Variants in TCF3 observed in about 807,000 individuals in gnomAD.
TCF3 encodes transcription factor E2-alpha.
Under a neutral mutation model 72.3 loss-of-function variants are expected in TCF3, and 54 were observed. The ratio of observed to expected loss-of-function variants is 0.75; its 90% confidence interval spans 0.60 to 0.94. The LOEUF (loss-of-function observed/expected upper bound fraction) is 0.94, where lower values mean the gene tolerates loss of function less well. Among genes scored for constraint, TCF3 ranks in the 40% least tolerant of loss-of-function variants. The probability of loss-of-function intolerance (pLI) is 0.00; values close to 1 mark genes in which losing one functional copy is unlikely to be tolerated. For synonymous variants in TCF3, 525 were observed against 412.6 expected (o/e 1.27, Z -3.30); for missense variants, 1,078 against 934.4 (o/e 1.15, Z -2.00).
At chr19:1,650,548 A>C in intron 1 of TCF3, 1 of 379,642 alleles carries the variant, frequency 2.6e-6, no homozygotes, top group Non-Finnish European at 4.7e-6. Flanking sequence ...GTGCAAATAT[A>C]AACTCCCTAA....
intron 7 of TCF3, 83 bp downstream of exon 7, chr19:1,625,492 GC>G: frequency 7.0e-7 from 1 of 1,428,868 alleles, no homozygotes; most frequent in Non-Finnish European, 9.2e-7. Context: ...TCCCTCTGGT[GC>G]CCTCAGCTAA....
In TCF3 at chr19:1,609,435, A is replaced by T. The variant is rs1039829918; in HGVS notation, c.*2272T>A. 1.0e-4 allele frequency: 21 copies of T among 205,070 alleles called. No individual in the cohort carries two copies. Among genetic ancestry groups the T allele is most frequent in the African/African-American group, 2.1e-4 (9 of 43,544 alleles). 12.7% of individuals were successfully genotyped at this position (205,070 alleles called of 1,614,324 possible). A position where few individuals can be genotyped will look rare whatever the true frequency, so the allele number is the denominator to read the frequency against. On this transcript the variant is annotated 3_prime_UTR_variant, in exon 19 of 19. Coordinates refer to ENST00000262965, the MANE Select transcript of TCF3 (RefSeq NM_003200.5). Reference sequence around the variant, plus strand: ...GTATACAATTATTTTCTTTAAAAAAATTTTTTTGAAAACCATCTTGAGGCA... The same window carrying T: ...GTATACAATTATTTTCTTTAAAAAATTTTTTTTGAAAACCATCTTGAGGCA...
Position 1,615,207 on chromosome 19 carries a change from G to A in TCF3, c.1822+78C>T, listed in dbSNP as rs1232632642. The stretch of plus-strand genomic sequence containing the variant: ...GGGAGGGCTGGCTCCAGGAAGGCGG[G>A]CGGGGAAGGAGAACGAGGGCAGGAA... On this transcript the variant is annotated intron_variant, in intron 18 of 18. Transcript: ENST00000262965. This position sits in a 1 kb window ranked among gnomAD's most constrained non-coding sequence, Gnocchi z 7.3. 9.4e-6 allele frequency: 14 copies of A among 1,487,410 alleles called. No individual in the cohort carries two copies. The highest frequency in any genetic ancestry group is 1.1e-5 in the Non-Finnish European group (12 of 1,119,578). 92.1% of individuals were successfully genotyped at this position (1,487,410 alleles called of 1,614,324 possible).
rs372813564 is a variant in TCF3, at chr19:1,612,274, C to T, written c.1823-425G>A. Reference sequence around the variant, plus strand: ...GCTGCAGGATGAGCAGCTTGGTCTGCGCTTTGTCCGACTTGAGGTGCATCT... The same window carrying T: ...GCTGCAGGATGAGCAGCTTGGTCTGTGCTTTGTCCGACTTGAGGTGCATCT... On this transcript the variant is annotated intron_variant, in intron 18 of 18. Coordinates refer to ENST00000262965, the MANE Select transcript of TCF3 (RefSeq NM_003200.5). 81 of 1,613,024 alleles carry T rather than the reference C, an allele frequency of 5.0e-5. No individual in the cohort carries two copies. Among genetic ancestry groups the T allele is most frequent in the Admixed American group, 1.8e-4 (11 of 59,938 alleles).
intron 13 of TCF3, among the ~76,000 whole-genome samples, chr19:1,620,451 C>T (rs956475241): frequency 3.7e-4 from 57 of 152,218 alleles, no homozygotes; most frequent in African/African-American, 1.4e-3. Context: ...ACAGTCAGTA[C>T]CTAATAAATA....
At chr19:1,644,948 T>C (rs1485505832) in intron 3 of TCF3, among the ~76,000 whole-genome samples, 1 of 152,082 alleles carries the variant, frequency 6.6e-6, no homozygotes, top group Non-Finnish European at 1.5e-5. Flanking sequence ...CATTAGCATG[T>C]CCGGTTCCTG....
Position 1,650,271 on chromosome 19 carries a change from C to T in TCF3, c.-23G>A, listed in dbSNP as rs2066808027. On this transcript the variant is annotated 5_prime_UTR_variant, in exon 2 of 19. The change creates a new upstream start codon in the 5' untranslated region. Transcript: ENST00000262965. ...CATTCTCCTGGGGCCAGGGCGGGCA[C>T]CTCAGGCCTGGAAACCCTGCTTGGT... The T allele has an allele frequency of 1.3e-6, 2 of 1,551,962 alleles. No homozygotes were observed. The highest frequency in any genetic ancestry group is 1.4e-5 in the African/African-American group (1 of 73,942).
chr19:1,630,000 T>G (rs1198252538), intron 5 of TCF3, among the ~76,000 whole-genome samples: 1 of 151,848 alleles, frequency 6.6e-6, no homozygotes, highest in Non-Finnish European at 1.5e-5. Context: ...GAGACTGAGG[T>G]TATGGCAAAA....
At chr19:1,633,399 C>T (rs2063958497) in intron 3 of TCF3, among the ~76,000 whole-genome samples, 1 of 152,146 alleles carries the variant, frequency 6.6e-6, no homozygotes, top group Non-Finnish European at 1.5e-5. Context: ...CTGGGGGACC[C>T]AGCCCAGTGC....
intron 5 of TCF3, among the ~76,000 whole-genome samples, chr19:1,629,266 G>T (rs182247492): frequency 1.3e-5 from 2 of 152,168 alleles, no homozygotes; most frequent in Admixed American, 1.3e-4. Flanking sequence ...CAGGGGACAG[G>T]CCTGGGGGCC....
At chr19:1,631,854 A>G (rs2063752712) in intron 5 of TCF3, 184 bp downstream of exon 5, 2 of 1,465,340 alleles carry the variant, frequency 1.4e-6, no homozygotes, top group Admixed American at 2.0e-5. Flanking sequence ...CGTGCCAGGG[A>G]GTCCGGGCCA....
chr19:1,646,131 G>T (rs981920670), intron 3 of TCF3, among the ~76,000 whole-genome samples: 1 of 152,142 alleles, frequency 6.6e-6, no homozygotes, highest in African/African-American at 2.4e-5. Context: ...CGGGAGGGAC[G>T]AGGGGACGAG....
chr19:1,650,395 C>T (rs1329595461), intron 1 of TCF3, 108 bp from the exon 2 acceptor site: 13 of 802,918 alleles, frequency 1.6e-5, no homozygotes, highest in Non-Finnish European at 2.3e-5. Context: ...AACCCTCAAC[C>T]GCCCTGGGGT....
At position 1,611,731 on chromosome 19, in the gene TCF3, G is replaced by A. The variant is rs2061001480; in HGVS notation, c.1941C>T (p.Ala647=). 3 of 1,613,550 alleles carry A rather than the reference G, an allele frequency of 1.9e-6. No homozygotes were observed. Among genetic ancestry groups the A allele is most frequent in the African/African-American group, 2.7e-5 (2 of 74,864 alleles). ...TTCACATGTGCCCGGCGGGGTTGTG[G>A]GCTTCGCTCAGGCCTGGGTGGGGAG... The part of the protein sequence containing the change: ...LSAPHPGLSE[A]HNPAGHM Residue 647 remains alanine, a synonymous_variant, in exon 19 of 19, where the codon GCC becomes GCT. Coordinates refer to ENST00000262965, the MANE Select transcript of TCF3 (RefSeq NM_003200.5).
rs1418042007 is a variant in TCF3, at chr19:1,614,097, C to T, written c.1822+1188G>A. On this transcript the variant is annotated intron_variant, in intron 18 of 18. Coordinates refer to ENST00000262965, the MANE Select transcript of TCF3 (RefSeq NM_003200.5). The surrounding 1 kb of genome is among the most constrained non-coding windows in gnomAD (Gnocchi z 5.6). ...ATGGATGCCGGTCCCCATCAGGGCA[C>T]CCACTGCTCTAGGTTGTGGTGAAGA... Among the ~76,000 whole-genome samples, 1 of 152,238 alleles carries T rather than the reference C, an allele frequency of 6.6e-6. No homozygotes were observed. Among genetic ancestry groups the T allele is most frequent in the Non-Finnish European group, 1.5e-5 (1 of 68,044 alleles).
rs936990341 is a variant in TCF3 at position 1,610,572 on chromosome 19, G to A, written c.*1135C>T. On this transcript the variant is annotated 3_prime_UTR_variant, in exon 19 of 19. Transcript: ENST00000262965. ...CCGGGCTCCAGGGTGTGGTCCCCAT[G>A]CCAGGGGTCACTGGTCCCAACAAAA... 5.2e-5 allele frequency: 12 copies of A among 231,488 alleles called. No homozygotes were observed. The highest frequency in any genetic ancestry group is 9.4e-5 in the Non-Finnish European group (11 of 117,118). The allele number at this position is 231,488 out of a possible 1,614,324, so 14.3% of individuals were successfully genotyped here. A position where few individuals can be genotyped will look rare whatever the true frequency, so the allele number is the denominator to read the frequency against.
chr19:1,651,414 A>G (rs1000321962), intron 1 of TCF3: 1 of 226,440 alleles, frequency 4.4e-6, no homozygotes, highest in Non-Finnish European at 8.8e-6. Context: ...TCCCCCGCTC[A>G]GTTTTTTTCT....
intron 6 of TCF3, 26 bp downstream of exon 6, chr19:1,627,333 A>G (rs758212479): frequency 1.3e-6 from 2 of 1,582,002 alleles, no homozygotes; most frequent in Non-Finnish European, 1.7e-6. Flanking sequence ...ATCAAAATAC[A>G]CCCCAGCCCG....
Position 1,632,014 on chromosome 19 carries a change from G to T in TCF3, c.298+24C>A, listed in dbSNP as rs2063774315. 3.1e-6 allele frequency: 5 copies of T among 1,609,616 alleles called. No homozygotes were observed. In the African/African-American group the frequency reaches 4.0e-5, roughly 13 times the overall value. ...TCTGCACATCTGTGCACAGCAGAGG[G>T]ACCGCACCAGGCCAGGCACTCACCT... On this transcript the variant is annotated intron_variant, in intron 5 of 18. Transcript: ENST00000262965.
Sources: allele counts gnomAD v4.1 joint callset (sites outside exome capture counted in the v4.1 genomes callset), GRCh38; gene constraint gnomAD v4.1.1; non-coding constraint Gnocchi (gnomAD v3.1); transcripts MANE v1.5; gene names NCBI Gene and HGNC (gene_info 2026-07-23, HGNC 2026-07-21).